TTBK2: variants seen among roughly 807,000 people sequenced by gnomAD.
The protein encoded by TTBK2 is tau tubulin kinase 2.
A neutral mutation model predicts 110.8 loss-of-function variants in TTBK2; 28 were observed. The ratio of observed to expected loss-of-function variants is 0.25; its 90% CI spans 0.19 to 0.35. The LOEUF is 0.35. Ranked by LOEUF, TTBK2 falls within the 10% of genes least tolerant of loss-of-function variation. The pLI, the probability that TTBK2 is intolerant of heterozygous loss-of-function variation, is 1.00. For missense variants in TTBK2, 1,369 were observed against 1,500.3 expected (o/e 0.91, Z 1.45); for synonymous variants, 532 against 527.3 (o/e 1.01, Z -0.12).
chr15:42,811,078 C>CCT (rs1207316106), intron 8 of TTBK2, among the ~76,000 whole-genome samples: 1 of 152,160 alleles, frequency 6.6e-6, no homozygotes, highest in East Asian at 1.9e-4. Context: ...GCAGCCTCGA[C>CCT]CTTTGAGACT....
At chr15:42,832,160 C>T (rs918150885) in intron 4 of TTBK2, among the ~76,000 whole-genome samples, 1 of 152,176 alleles carries the variant, frequency 6.6e-6, no homozygotes, top group African/African-American at 2.4e-5. Context: ...TGACAGTCTA[C>T]AGCAGTGAAC....
At chr15:42,890,556 C>T (rs1895416672) in intron 1 of TTBK2, among the ~76,000 whole-genome samples, 1 of 152,198 alleles carries the variant, frequency 6.6e-6, no homozygotes, top group South Asian at 2.1e-4. Context: ...TTGCACTTCT[C>T]TGTCATTTGC....
At chr15:42,794,606 C>T (rs1163297017) in intron 10 of TTBK2, 38 bp downstream of exon 10, 2 of 1,614,036 alleles carry the variant, frequency 1.2e-6, no homozygotes, top group South Asian at 1.1e-5. Context: ...ATAATACATC[C>T]AGGAAAGACA....
chr15:42,819,499 C>G (rs567874164), intron 6 of TTBK2, among the ~76,000 whole-genome samples: 1 of 152,188 alleles, frequency 6.6e-6, no homozygotes, highest in African/African-American at 2.4e-5. Context: ...TAAATACTCT[C>G]TTTCCCTTTA....
intron 3 of TTBK2, among the ~76,000 whole-genome samples, chr15:42,853,271 A>T (rs1415711013): frequency 6.6e-6 from 1 of 152,190 alleles, no homozygotes; most frequent in Non-Finnish European, 1.5e-5. Context: ...GGTAAAAAAA[A>T]AAATCCCTGA....
chr15:42,816,463 C>T (rs1892032529), intron 7 of TTBK2, among the ~76,000 whole-genome samples: 1 of 152,012 alleles, frequency 6.6e-6, no homozygotes, highest in South Asian at 2.1e-4. Context: ...ATCGTCTTTT[C>T]TGGCAAATCC....
intron 1 of TTBK2, among the ~76,000 whole-genome samples, chr15:42,913,131 CA>C (rs61404472): frequency 0.011 from 334 of 30,892 alleles, no homozygotes; most frequent in African/African-American, 0.018. Context: ...GACTCCGTCT[CA>C]AAAAAAAAAA....
chr15:42,802,638 T>G (rs1891273373), intron 9 of TTBK2, among the ~76,000 whole-genome samples: 2 of 152,306 alleles, frequency 1.3e-5, no homozygotes, highest in Middle Eastern at 6.8e-3. Flanking sequence ...TTTTCACCAT[T>G]AAGTCGGGTG....
chr15:42,813,396 C>T (rs957542164), intron 7 of TTBK2, among the ~76,000 whole-genome samples: 1 of 151,882 alleles, frequency 6.6e-6, no homozygotes, highest in Non-Finnish European at 1.5e-5. Flanking sequence ...GTGGTGAATG[C>T]CTGTGGTCCC....
At chr15:42,852,552 T>C (rs545912054) in intron 3 of TTBK2, among the ~76,000 whole-genome samples, 31 of 152,342 alleles carry the variant, frequency 2.0e-4, no homozygotes, top group African/African-American at 7.5e-4. Flanking sequence ...ATGGAGCATA[T>C]ATAAATATGT....
chr15:42,867,245 C>CAAAAAA (rs199562887), intron 3 of TTBK2, among the ~76,000 whole-genome samples: 2 of 63,564 alleles, frequency 3.1e-5, no homozygotes, highest in East Asian at 4.0e-4. Context: ...GACTCCGTCT[C>CAAAAAA]AAAAAAAAAA....
intron 3 of TTBK2, among the ~76,000 whole-genome samples, chr15:42,843,102 T>G (rs2141022371): frequency 6.6e-6 from 1 of 152,206 alleles, no homozygotes; most frequent in East Asian, 1.9e-4. Flanking sequence ...GTTCTGGTAC[T>G]AAAAACACTT....
chr15:42,837,928 C>T (rs1292112349), intron 4 of TTBK2, among the ~76,000 whole-genome samples: 1 of 152,130 alleles, frequency 6.6e-6, no homozygotes, highest in African/African-American at 2.4e-5. Context: ...AAGAAACCTG[C>T]TGGGCGCGGT....
chr15:42,895,683 G>A (rs1168550074), intron 1 of TTBK2, among the ~76,000 whole-genome samples: 2 of 151,702 alleles, frequency 1.3e-5, no homozygotes, highest in Non-Finnish European at 2.9e-5. Context: ...GATTACAGGC[G>A]CCTGCCACCA....
intron 1 of TTBK2, chr15:42,919,697 C>A (rs999035957): frequency 1.8e-6 from 1 of 568,376 alleles, no homozygotes; most frequent in Non-Finnish European, 2.2e-6. Context: ...GAGTTAATAC[C>A]AGGATTGCTG....
Position 42,781,831 on chromosome 15 carries a change from C to T in TTBK2, c.1197+1588G>A, listed in dbSNP as rs532268676. Among the ~76,000 whole-genome samples, 8 of 152,158 alleles carry T rather than the reference C, an allele frequency of 5.3e-5. No individual in the cohort carries two copies. The South Asian group carries it at 1.7e-3, about 32-fold the overall frequency. On this transcript the variant is annotated intron_variant, in intron 11 of 14. Coordinates refer to ENST00000267890, the MANE Select transcript of TTBK2 (RefSeq NM_173500.4). ...GAATCTAACCTAAGACAGCGGTTACCTCAGTGGGGATAGGGTAGAAGCATA... is the reference window on the plus strand; with the variant it reads ...GAATCTAACCTAAGACAGCGGTTACTTCAGTGGGGATAGGGTAGAAGCATA...
intron 7 of TTBK2, among the ~76,000 whole-genome samples, chr15:42,816,499 A>G (rs577354029): frequency 2.6e-5 from 4 of 152,080 alleles, no homozygotes; most frequent in Non-Finnish European, 5.9e-5. Context: ...GCAGCTGCAC[A>G]TATCTATTAT....
At chr15:42,815,450 TC>T (rs1332610752) in intron 7 of TTBK2, among the ~76,000 whole-genome samples, 1 of 152,152 alleles carries the variant, frequency 6.6e-6, no homozygotes, top group East Asian at 1.9e-4. Context: ...AATACTTTTT[TC>T]CCTATTTTAT....
At chr15:42,875,820 C>T (rs865823248) in intron 2 of TTBK2, among the ~76,000 whole-genome samples, 1 of 149,290 alleles carries the variant, frequency 6.7e-6, no homozygotes, top group Non-Finnish European at 1.5e-5. Context: ...GCAGGAGAGT[C>T]GCTTGAACCC....
Sources: gnomAD v4.1 joint callset for allele counts (sites outside exome capture counted in the v4.1 genomes callset) on GRCh38, gnomAD v4.1.1 for gene constraint, MANE v1.5 for transcripts, NCBI Gene and HGNC (gene_info 2026-07-23, HGNC 2026-07-21) for gene names.